Variants in SLC25A15 observed in about 807,000 individuals in gnomAD.
SLC25A15 encodes the protein solute carrier family 25 member 15.
SLC25A15 carries 24 observed loss-of-function variants against 32.3 expected under a neutral mutation model. The ratio of observed to expected loss-of-function variants is 0.74; its 90% confidence interval spans 0.54 to 1.04. The LOEUF (loss-of-function observed/expected upper bound fraction) is 1.04, where lower values mean the gene tolerates loss of function less well. Ranked by LOEUF, SLC25A15 falls within the 50% of genes least tolerant of loss-of-function variation. The probability of loss-of-function intolerance (pLI) is 0.00; values close to 1 mark genes in which losing one functional copy is unlikely to be tolerated. For synonymous variants in SLC25A15, 132 were observed against 142.1 expected, an observed-to-expected ratio of 0.93 and a Z score of 0.51; for missense variants, 317 against 374.5, an observed-to-expected ratio of 0.85 and a Z score of 1.27.
At chr13:40,800,880 C>G (rs773536884) in intron 3 of SLC25A15, among the ~76,000 whole-genome samples, 1 of 152,178 alleles carries the variant, frequency 6.6e-6, no homozygotes. Context: ...GTGTCTCTCT[C>G]GTGAAGAATC....
rs749817266 is a variant in SLC25A15, at chr13:40,808,437, G to A, written c.623-1G>A. 3.1e-6 allele frequency: 5 copies of A among 1,611,998 alleles called. No individual in the cohort carries two copies. In the South Asian group the frequency reaches 4.4e-5, roughly 14 times the overall value. Reference sequence around the variant, plus strand: ...CCATTTGCTATTTTTTTTTTCTCTAGGCCCTGTACCTTTGATGTTAAGTGG... The same window carrying A: ...CCATTTGCTATTTTTTTTTTCTCTAAGCCCTGTACCTTTGATGTTAAGTGG... On this transcript the variant is annotated splice_acceptor_variant, in intron 5 of 6. Coordinates refer to ENST00000338625, the MANE Select transcript of SLC25A15 (RefSeq NM_014252.4). LOFTEE classifies it high-confidence loss of function.
intron 2 of SLC25A15, among the ~76,000 whole-genome samples, chr13:40,794,473 G>A (rs984448007): frequency 6.6e-6 from 1 of 152,214 alleles, no homozygotes; most frequent in African/African-American, 2.4e-5. Context: ...AAGAGCCTGA[G>A]GCTCCCCCAG....
chr13:40,799,105 T>G lies in SLC25A15; in HGVS notation c.104T>G (p.Val35Gly). The G allele has an allele frequency of 6.2e-7, 1 of 1,614,096 alleles. No individual in the cohort carries two copies. Among genetic ancestry groups the G allele is most frequent in the Non-Finnish European group, 8.5e-7 (1 of 1,180,016 alleles). ...GGGCAGCCCTTTGACACAATGAAAG[T>G]GAAGATGCAGACGTTCCCTGACCTG... ...LTGQPFDTMK[V>G]KMQTFPDLYR... Residue 35 changes from valine (V) to glycine (G), a missense_variant, in exon 3 of 7, where the codon GTG becomes GGG. By Grantham distance (109) the Val-to-Gly change is moderately radical. Transcript: ENST00000338625.
chr13:40,793,210 C>A lies in SLC25A15; in HGVS notation c.-17C>A. The A allele has an allele frequency of 6.2e-7, 1 of 1,613,992 alleles. No individual in the cohort carries two copies. Among genetic ancestry groups the A allele is most frequent in the Non-Finnish European group, 8.5e-7 (1 of 1,179,894 alleles). ...AGAGAGCTGCCTTCCACAAGACCAG[C>A]AGAAGAGTGGGCAAACATGAAATCC... is the stretch of plus-strand genomic sequence containing the variant. On this transcript the variant is annotated 5_prime_UTR_variant, in exon 2 of 7. Transcript: ENST00000338625.
At chr13:40,791,448 C>G (rs563855054) in intron 1 of SLC25A15, among the ~76,000 whole-genome samples, 91 of 151,682 alleles carry the variant, frequency 6.0e-4, no homozygotes, top group African/African-American at 2.1e-3. Flanking sequence ...ACCTCCACCT[C>G]CCGGGTTCAA....
In SLC25A15 at chr13:40,809,968, T is replaced by A. The variant is rs1175751735; in HGVS notation, c.*301T>A. On this transcript the variant is annotated 3_prime_UTR_variant, in exon 7 of 7. Coordinates refer to ENST00000338625, the MANE Select transcript of SLC25A15 (RefSeq NM_014252.4). ...TGGAATATAGTTCTGTCAGGGCTTT[T>A]ACGTAAACCTCCACTTGTACATGCA... is the stretch of plus-strand genomic sequence containing the variant. The A allele has an allele frequency of 5.0e-6, 2 of 398,248 alleles. No homozygotes were observed. Among genetic ancestry groups the A allele is most frequent in the Non-Finnish European group, 9.5e-6 (2 of 211,286 alleles). 24.7% of individuals were successfully genotyped at this position (398,248 alleles called of 1,614,324 possible).
intron 1 of SLC25A15, among the ~76,000 whole-genome samples, chr13:40,792,774 C>T (rs919923060): frequency 2.6e-5 from 4 of 152,136 alleles, no homozygotes; most frequent in Non-Finnish European, 5.9e-5. Flanking sequence ...TCCCCTTAGG[C>T]ACCCAGCACA....
At chr13:40,807,195 C>CTAGT in intron 4 of SLC25A15, 99 bp from the exon 5 acceptor site, 1 of 1,090,634 alleles carries the variant, frequency 9.2e-7, no homozygotes. Flanking sequence ...TTCTTCCTTA[C>CTAGT]TAGTGCTTGA....
At position 40,811,607 on chromosome 13, in the gene SLC25A15, T is replaced by C. The variant is rs1882456625; in HGVS notation, c.*1940T>C. On this transcript the variant is annotated 3_prime_UTR_variant, in exon 7 of 7. Coordinates refer to ENST00000338625, the MANE Select transcript of SLC25A15 (RefSeq NM_014252.4). ...ACACTTCATCTGATCCCCCATAGAC[T>C]TGGGGATGGACAGCTGTTCTTTGGC... Among the ~76,000 whole-genome samples the C allele has an allele frequency of 6.6e-6, 1 of 152,172 alleles. No individual in the cohort carries two copies. The highest frequency in any genetic ancestry group is 2.4e-5 in the African/African-American group (1 of 41,448).
chr13:40,803,673 T>A (rs541129854), intron 3 of SLC25A15, among the ~76,000 whole-genome samples: 2 of 152,384 alleles, frequency 1.3e-5, no homozygotes, highest in South Asian at 4.1e-4. Context: ...TGCAGACTTG[T>A]ACTGGCTTCA....
At chr13:40,800,926 T>C (rs534467375) in intron 3 of SLC25A15, among the ~76,000 whole-genome samples, 4 of 152,270 alleles carry the variant, frequency 2.6e-5, no homozygotes, top group Admixed American at 1.3e-4. Context: ...GTGTATGTGT[T>C]ATTTAGTTCA....
At chr13:40,798,721 T>C (rs1343248799) in intron 2 of SLC25A15, 1 of 979,046 alleles carries the variant, frequency 1.0e-6, no homozygotes, top group African/African-American at 1.8e-5. Context: ...GGCTCAGAAG[T>C]TACATGGCTT....
At chr13:40,803,505 C>T (rs1881984366) in intron 3 of SLC25A15, among the ~76,000 whole-genome samples, 1 of 152,220 alleles carries the variant, frequency 6.6e-6, no homozygotes, top group South Asian at 2.1e-4. Context: ...TATTCTTGAA[C>T]TCTTACTGGA....
intron 3 of SLC25A15, among the ~76,000 whole-genome samples, chr13:40,804,799 C>T (rs962706931): frequency 2.0e-5 from 3 of 151,962 alleles, no homozygotes; most frequent in African/African-American, 2.4e-5. Context: ...ATCCGCCCGC[C>T]TCGGCCTCCC....
chr13:40,806,152 G>A (rs1381686667), intron 4 of SLC25A15, among the ~76,000 whole-genome samples: 2 of 152,222 alleles, frequency 1.3e-5, no homozygotes, highest in Non-Finnish European at 2.9e-5. Flanking sequence ...AAGTCCAAGA[G>A]TGTAAGTCTT....
At chr13:40,797,020 T>C (rs955030274) in intron 2 of SLC25A15, among the ~76,000 whole-genome samples, 1 of 152,216 alleles carries the variant, frequency 6.6e-6, no homozygotes, top group Non-Finnish European at 1.5e-5. Flanking sequence ...TATTTATTCA[T>C]GGCTTTATGG....
intron 2 of SLC25A15, among the ~76,000 whole-genome samples, chr13:40,796,776 CTG>C (rs1881682073): frequency 6.6e-6 from 1 of 152,102 alleles, no homozygotes; most frequent in Admixed American, 6.5e-5. Flanking sequence ...CCCTGAGACA[CTG>C]TCCCTGCCCT....
In SLC25A15 at chr13:40,808,445, A is replaced by C; in HGVS notation, c.630A>C (p.Val210=). Residue 210 remains valine (V), a synonymous_variant, in exon 6 of 7, where the codon GTA becomes GTC. Transcript: ENST00000338625. ...TATTTTTTTTTTCTCTAGGCCCTGT[A>C]CCTTTGATGTTAAGTGGTGGAGTTG... ...SGRSKDELGP[V]PLMLSGGVGG... The C allele has an allele frequency of 6.2e-7, 1 of 1,613,012 alleles. No homozygotes were observed. Among genetic ancestry groups the C allele is most frequent in the Non-Finnish European group, 8.5e-7 (1 of 1,179,900 alleles).
intron 1 of SLC25A15, among the ~76,000 whole-genome samples, chr13:40,791,166 G>A (rs1450516550): frequency 6.6e-6 from 1 of 151,888 alleles, no homozygotes; most frequent in East Asian, 1.9e-4. Flanking sequence ...CGGTTGGTTT[G>A]TAGGCACAGG....
Sources: allele counts gnomAD v4.1 joint callset (sites outside exome capture counted in the v4.1 genomes callset), GRCh38; gene constraint gnomAD v4.1.1; transcripts MANE v1.5; gene names NCBI Gene and HGNC (gene_info 2026-07-23, HGNC 2026-07-21).